CCDC180: variants seen among roughly 807,000 people sequenced by gnomAD.
The protein encoded by CCDC180 is coiled-coil domain-containing protein 180.
CCDC180 carries 154 observed loss-of-function variants against 209.2 expected under a neutral mutation model. The ratio of observed to expected loss-of-function variants is 0.74; its 90% CI spans 0.65 to 0.84. The LOEUF (loss-of-function observed/expected upper bound fraction) is 0.84, where lower values mean the gene tolerates loss of function less well. Ranked by LOEUF, CCDC180 falls within the 40% of genes least tolerant of loss-of-function variation. The probability of loss-of-function intolerance (pLI) is 0.00; values close to 1 mark genes in which losing one functional copy is unlikely to be tolerated. For missense variants in CCDC180, 1,874 were observed against 1,997.3 expected (o/e 0.94, Z 1.18); for synonymous variants, 778 against 749.1 (o/e 1.04, Z -0.63).
chr9:97,366,568 C>T lies in CCDC180; in HGVS notation c.4057C>T (p.Arg1353Cys), dbSNP rs145284892. ...NLLTVAEEFY[R>C]KEKRPVTRPD... ...TCACCCTCTCTGGCAGGAGTTCTAC[C>T]GTAAAGAAAAACGCCCAGTCACCAG... The change falls in exon 31 of 37, where the codon CGT (arginine) becomes TGT (cysteine). Residue 1353 changes from arginine (R) to cysteine (C), a missense_variant. Arg to Cys is a radical substitution (Grantham distance 180). Coordinates refer to ENST00000529487, the MANE Select transcript of CCDC180 (RefSeq NM_020893.6). This position sits in a 1 kb window ranked among gnomAD's most constrained non-coding sequence, Gnocchi z 4.3. 2.5e-3 allele frequency: 4,073 copies of T among 1,614,024 alleles called. 9 individuals are homozygous for T. The highest frequency in any genetic ancestry group is 3.1e-3 in the Non-Finnish European group (3,714 of 1,179,952).
At position 97,364,094 on chromosome 9, in the gene CCDC180, C is replaced by G. The variant is rs767964082; in HGVS notation, c.3946C>G (p.Arg1316Gly). 2 of 1,613,992 alleles carry G rather than the reference C, an allele frequency of 1.2e-6. No individual in the cohort carries two copies. The highest frequency in any genetic ancestry group is 1.7e-6 in the Non-Finnish European group (2 of 1,180,030). The stretch of plus-strand genomic sequence containing the variant: ...GCCCAACAAAATGGAGAGAAAGTAC[C>G]GGGTGCTTGGGGACAAGCCTCCCCC... ...PKPNKMERKY[R>G]VLGDKPPPAA... is the part of the protein sequence containing the mutation. The change falls in exon 29 of 37, where the codon CGG becomes GGG. Residue 1316 changes from arginine to glycine, a missense_variant. Coordinates refer to ENST00000529487, the MANE Select transcript of CCDC180 (RefSeq NM_020893.6).
At position 97,330,713 on chromosome 9, in the gene CCDC180, A is replaced by G. The variant is rs531422027; in HGVS notation, c.2220A>G (p.Glu740=). 1 of 1,597,298 alleles carries G rather than the reference A, an allele frequency of 6.3e-7. No homozygotes were observed. The highest frequency in any genetic ancestry group is 2.2e-5 in the East Asian group (1 of 44,696). ...EEEEEEEKLE[E]EKEEKEAQEE... is the part of the protein sequence containing the mutation. The stretch of plus-strand genomic sequence containing the variant: ...AGGAGGAGGAGGAGAAGCTGGAGGA[A>G]GAGAAGGAGGAGAAGGAGGCACAGG... The change falls in exon 18 of 37, where the codon GAA becomes GAG. Residue 740 remains glutamate (E), a synonymous_variant. Coordinates refer to ENST00000529487, the MANE Select transcript of CCDC180 (RefSeq NM_020893.6).
At chr9:97,350,363 A>G in intron 21 of CCDC180, 46 bp from the exon 22 acceptor site, 1 of 1,522,338 alleles carries the variant, frequency 6.6e-7, no homozygotes, top group Non-Finnish European at 8.8e-7. Flanking sequence ...CTTGTCCCCC[A>G]GGGTTGTCCC....
chr9:97,316,861 C>T (rs1404430016), intron 8 of CCDC180, among the ~76,000 whole-genome samples: 1 of 152,130 alleles, frequency 6.6e-6, no homozygotes, highest in Non-Finnish European at 1.5e-5. Flanking sequence ...CAAGGAAGAC[C>T]CTTGTCCATG....
intron 28 of CCDC180, chr9:97,363,757 C>T (rs955575067): frequency 5.7e-5 from 30 of 528,564 alleles, no homozygotes; most frequent in African/African-American, 1.9e-4. Context: ...GTCCTCATCA[C>T]GGGGAAGCAG....
chr9:97,377,020 C>T lies in CCDC180; in HGVS notation c.*126C>T. ...CTCCACCCCTGCTCTGTGCCGGGCA[C>T]TGTAGCTTTACCAGCGAACAGGACA... On this transcript the variant is annotated 3_prime_UTR_variant, in exon 37 of 37. Coordinates refer to ENST00000529487, the MANE Select transcript of CCDC180 (RefSeq NM_020893.6). The T allele has an allele frequency of 1.8e-6, 2 of 1,118,380 alleles. No individual in the cohort carries two copies. The highest frequency in any genetic ancestry group is 2.5e-6 in the Non-Finnish European group (2 of 809,438). The allele number at this position is 1,118,380 out of a possible 1,614,324, so 69.3% of individuals were successfully genotyped here.
intron 13 of CCDC180, 65 bp from the exon 14 acceptor site, chr9:97,324,953 TG>T: frequency 6.8e-7 from 1 of 1,476,824 alleles, no homozygotes; most frequent in Non-Finnish European, 9.2e-7. Flanking sequence ...GTCCCACAGG[TG>T]GGCCCTCTTC....
rs182380435 is a variant in CCDC180, at chr9:97,370,457, C to T, written c.4351-184C>T. 1.2e-4 allele frequency among the ~76,000 whole-genome samples: 18 copies of T among 152,090 alleles called. No homozygotes were observed. The East Asian group carries it at 3.5e-3, about 29-fold the overall frequency. ...ATGCTCAGCCTTTTCTCTTCCAAAC[C>T]CCCGAGTCAGCTCTAGCCATGCCCC... On this transcript the variant is annotated intron_variant, in intron 32 of 36. Coordinates refer to ENST00000529487, the MANE Select transcript of CCDC180 (RefSeq NM_020893.6).
rs188074768 is a variant in CCDC180, at chr9:97,330,454, A to G, written c.1961A>G (p.Glu654Gly). 3.0e-5 allele frequency: 48 copies of G among 1,614,204 alleles called. No homozygotes were observed. In the Admixed American group the frequency reaches 6.2e-4, roughly 21 times the overall value. The change falls in exon 18 of 37, where the codon GAA becomes GGA. Residue 654 changes from glutamate (E) to glycine (G), a missense_variant. Physicochemically the swap from Glu to Gly is moderately conservative, Grantham distance 98. Transcript: ENST00000529487. The part of the protein sequence containing the change: ...TSTARSVEEV[E>G]EENDQEMESF... ...ACTGCCAGGTCAGTAGAAGAGGTGGAAGAAGAAAACGATCAAGAAATGGAG... is the reference window on the plus strand; with the variant it reads ...ACTGCCAGGTCAGTAGAAGAGGTGGGAGAAGAAAACGATCAAGAAATGGAG...
intron 18 of CCDC180, among the ~76,000 whole-genome samples, chr9:97,342,960 T>C (rs996957904): frequency 1.3e-5 from 2 of 152,230 alleles, no homozygotes; most frequent in African/African-American, 4.8e-5. Flanking sequence ...TGTAGACTTC[T>C]TTTTGAGCAG....
chr9:97,324,057 C>A, intron 13 of CCDC180, 154 bp downstream of exon 13: 2 of 844,276 alleles, frequency 2.4e-6, no homozygotes, highest in African/African-American at 1.7e-5. Flanking sequence ...CCCCCTTACG[C>A]TGGCCACTCC....
At chr9:97,370,897 T>A in intron 33 of CCDC180, 119 bp downstream of exon 33, 1 of 1,075,960 alleles carries the variant, frequency 9.3e-7, no homozygotes, top group Non-Finnish European at 1.3e-6. Flanking sequence ...GGCATGATCG[T>A]GGTTGGGTTT....
chr9:97,370,930 T>TGGC (rs35457847), intron 33 of CCDC180, 152 bp downstream of exon 33: 88,101 of 501,484 alleles, frequency 0.18, 11,544 homozygotes, highest in East Asian at 0.39. Context: ...TGGCCATTAT[T>TGGC]GGCTGTTTTA....
chr9:97,351,854 A>T (rs4554595), intron 22 of CCDC180, among the ~76,000 whole-genome samples: 81,526 of 151,982 alleles, frequency 0.54, 23,026 homozygotes, highest in African/African-American at 0.69. Flanking sequence ...GGTTCATGCC[A>T]GTAATCCCAG....
chr9:97,350,625 C>T, intron 22 of CCDC180, 70 bp downstream of exon 22: 3 of 1,467,802 alleles, frequency 2.0e-6, no homozygotes, highest in Non-Finnish European at 2.7e-6. Context: ...CTTGTTTCCC[C>T]CTTAATTTTT....
chr9:97,356,727 T>C (rs762068526), intron 24 of CCDC180, among the ~76,000 whole-genome samples: 1 of 152,238 alleles, frequency 6.6e-6, no homozygotes, highest in Non-Finnish European at 1.5e-5. Flanking sequence ...CTGTTCACAG[T>C]GTACAGGGGT....
chr9:97,360,891 T>C (rs769176520), intron 26 of CCDC180, among the ~76,000 whole-genome samples: 1 of 152,182 alleles, frequency 6.6e-6, no homozygotes, highest in Non-Finnish European at 1.5e-5. Flanking sequence ...GGGAAGGGCC[T>C]GACAGCCAAT....
chr9:97,320,671 A>T (rs1003880376), intron 11 of CCDC180, among the ~76,000 whole-genome samples: 1 of 152,230 alleles, frequency 6.6e-6, no homozygotes, highest in African/African-American at 2.4e-5. Context: ...GTCCAGTGGT[A>T]GTCCAGTGCC....
intron 26 of CCDC180, 144 bp from the exon 27 acceptor site, chr9:97,361,582 G>C: frequency 1.5e-6 from 1 of 686,764 alleles, no homozygotes; most frequent in Non-Finnish European, 2.4e-6. Context: ...TTACAGAGGA[G>C]AAAATAGTGG....
Sources: gnomAD v4.1 joint callset for allele counts (sites outside exome capture counted in the v4.1 genomes callset) on GRCh38, gnomAD v4.1.1 for gene constraint, Gnocchi (gnomAD v3.1) non-coding constraint, MANE v1.5 for transcripts, NCBI Gene and HGNC (gene_info 2026-07-23, HGNC 2026-07-21) for gene names.